The following CARD10 variants were observed in gnomAD, a reference collection of about 807,000 sequenced individuals.
CARD10 encodes the protein caspase recruitment domain family member 10, also known as caspase recruitment domain-containing protein 10.
In CARD10, 49 loss-of-function variants were observed where a neutral mutation model predicts 114.6. The observed-to-expected ratio is 0.43, with a 90% confidence interval of 0.34 to 0.54. The LOEUF (loss-of-function observed/expected upper bound fraction) is 0.54. Ranked by LOEUF, CARD10 falls within the 20% of genes least tolerant of loss-of-function variation. The probability of loss-of-function intolerance (pLI) is 0.03; values close to 1 mark genes in which losing one functional copy is unlikely to be tolerated. For missense variants in CARD10, 1,206 were observed against 1,397.2 expected (o/e 0.86, Z 2.18); for synonymous variants, 602 against 593.2 (o/e 1.01, Z -0.21).
intron 3 of CARD10, among the ~76,000 whole-genome samples, chr22:37,511,421 G>GGGGGGGGGGAA (rs796281103): frequency 7.9e-6 from 1 of 126,214 alleles, no homozygotes; most frequent in South Asian, 2.7e-4. Flanking sequence ...GGGAGGAGGA[G>GGGGGGGGGGAA]GGAGGGGGAA....
chr22:37,513,163 T>C (rs1398538802), intron 3 of CARD10, among the ~76,000 whole-genome samples: 1 of 152,080 alleles, frequency 6.6e-6, no homozygotes, highest in Admixed American at 6.6e-5. Context: ...CAAGCTGGAG[T>C]GCAGTGGCTC....
intron 15 of CARD10, 47 bp downstream of exon 15, chr22:37,495,470 C>T: frequency 1.2e-5 from 18 of 1,526,312 alleles, no homozygotes; most frequent in Non-Finnish European, 1.4e-5. Flanking sequence ...CCCTTTTGGA[C>T]CCCACCCTTG....
At position 37,490,395 on chromosome 22, in the gene CARD10, G is replaced by A. The variant is rs897609920; in HGVS notation, c.*764C>T. ...AAAAGTGTTTAATGCTCCATAATGTGCAGCTTCTAAGTGAAAAAGGCCCGT... is the reference window on the plus strand; with the variant it reads ...AAAAGTGTTTAATGCTCCATAATGTACAGCTTCTAAGTGAAAAAGGCCCGT... On this transcript the variant is annotated 3_prime_UTR_variant, in exon 20 of 20. Coordinates refer to ENST00000251973, the MANE Select transcript of CARD10 (RefSeq NM_014550.4). 1 of 152,128 alleles carries A rather than the reference G, an allele frequency of 6.6e-6. No homozygotes were observed. Among genetic ancestry groups the A allele is most frequent in the Non-Finnish European group, 1.5e-5 (1 of 68,048 alleles). The allele number at this position is 152,128 out of a possible 1,614,324, so 9.4% of individuals were successfully genotyped here. A position where few individuals can be genotyped will look rare whatever the true frequency, so the allele number is the denominator to read the frequency against.
In CARD10 at chr22:37,496,474, T is replaced by C; in HGVS notation, c.2034A>G (p.Thr678=). 1 of 1,612,466 alleles carries C rather than the reference T, an allele frequency of 6.2e-7. No homozygotes were observed. ...QRTLLWNQGS[T]LPSLMDSKAC... is the part of the protein sequence containing the mutation. ...CCTTCGAGTCCATCAGGGAGGGGAG[T>C]GTGGACCCCTGATTCCAGAGCAAGG... The change falls in exon 13 of 20, where the codon ACA becomes ACG. Residue 678 remains threonine, a synonymous_variant. Transcript: ENST00000251973. The surrounding 1 kb of genome is among the most constrained non-coding windows in gnomAD (Gnocchi z 4.1).
Position 37,519,255 on chromosome 22 carries a change from C to T in CARD10, c.-55G>A. ...GGCGCACGGGGGTCGACCAGGGCTC[C>T]CTAGGGCTAGATGTGCGGCCAAGCA... On this transcript the variant is annotated 5_prime_UTR_variant, in exon 1 of 20. Transcript: ENST00000251973. The surrounding 1 kb of genome is among the most constrained non-coding windows in gnomAD (Gnocchi z 4.1). 1 of 1,445,598 alleles carries T rather than the reference C, an allele frequency of 6.9e-7. No homozygotes were observed. The highest frequency in any genetic ancestry group is 1.4e-5 in the South Asian group (1 of 71,096). 89.5% of individuals were successfully genotyped at this position (1,445,598 alleles called of 1,614,324 possible). A position where few individuals can be genotyped will look rare whatever the true frequency, so the allele number is the denominator to read the frequency against.
intron 3 of CARD10, among the ~76,000 whole-genome samples, chr22:37,515,240 T>C (rs1212361743): frequency 1.3e-5 from 2 of 152,204 alleles, no homozygotes; most frequent in East Asian, 3.9e-4. Flanking sequence ...AGCAGTGTGC[T>C]AGGGACTGTA....
At position 37,501,132 on chromosome 22, in the gene CARD10, CCTCT is replaced by C. The variant is rs893492438; in HGVS notation, c.1787+1466_1787+1469del. On this transcript the variant is annotated intron_variant, in intron 11 of 19. Transcript: ENST00000251973. The surrounding 1 kb of genome is among the most constrained non-coding windows in gnomAD (Gnocchi z 5.4). ...TCTCCCTCTCCTCTCCGCCTGTCTG[CCTCT>C]CTCTCTCTCTTTCTCTCTCTCTCTC... is the stretch of plus-strand genomic sequence containing the variant. Among the ~76,000 whole-genome samples, 12 of 151,750 alleles carry C rather than the reference CCTCT, an allele frequency of 7.9e-5. No individual in the cohort carries two copies. Among genetic ancestry groups the C allele is most frequent in the African/African-American group, 1.7e-4 (7 of 41,412 alleles).
rs1162555874 is a variant in CARD10, at chr22:37,492,710, G to C, written c.2569C>G (p.Pro857Ala). The change falls in exon 17 of 20, where the codon CCC (proline) becomes GCC (alanine). Residue 857 changes from proline to alanine, a missense_variant. Pro to Ala is a conservative substitution (Grantham distance 27). Coordinates refer to ENST00000251973, the MANE Select transcript of CARD10 (RefSeq NM_014550.4). The surrounding 1 kb of genome is among the most constrained non-coding windows in gnomAD (Gnocchi z 5.7). The part of the protein sequence containing the change: ...PVVLLPECLA[P>A]RLIRNLLDLP... ...TCTAGCAGGTTACGGATGAGCCGGG[G>C]CGCCAGGCACTCAGGCAACAGCACC... 6.2e-7 allele frequency: 1 copy of C among 1,613,100 alleles called. No homozygotes were observed. Among genetic ancestry groups the C allele is most frequent in the East Asian group, 2.2e-5 (1 of 44,874 alleles).
Position 37,510,057 on chromosome 22 carries a change from C to T in CARD10, c.909+155G>A, listed in dbSNP as rs570806828. Among the ~76,000 whole-genome samples, 540 of 120,586 alleles carry T rather than the reference C, an allele frequency of 4.5e-3. 19 individuals carry two copies. The highest frequency in any genetic ancestry group is 0.014 in the African/African-American group (514 of 37,162). 79.1% of individuals were successfully genotyped at this position (120,586 alleles called of 152,430 possible). The stretch of plus-strand genomic sequence containing the variant: ...ACCTGCTGCAGGCCCTCCTGAGCCC[C>T]GCTACCCAGCCTGTGCCCAGAAGCC... On this transcript the variant is annotated intron_variant, in intron 4 of 19. Transcript: ENST00000251973.
chr22:37,492,742 C>T lies in CARD10; in HGVS notation c.2537G>A (p.Arg846Gln). 1 of 1,612,976 alleles carries T rather than the reference C, an allele frequency of 6.2e-7. No homozygotes were observed. Among genetic ancestry groups the T allele is most frequent in the South Asian group, 1.1e-5 (1 of 91,076 alleles). The part of the protein sequence containing the change: ...LVRPLLVSAL[R>Q]PVVLLPECLA... ...GCACTCAGGCAACAGCACCACGGGCCGCAGGGCAGACACCAGTAGCGGCCG... is the reference window on the plus strand; with the variant it reads ...GCACTCAGGCAACAGCACCACGGGCTGCAGGGCAGACACCAGTAGCGGCCG... Residue 846 changes from arginine to glutamine, a missense_variant, in exon 17 of 20, where the codon CGG becomes CAG. Transcript: ENST00000251973. This position sits in a 1 kb window ranked among gnomAD's most constrained non-coding sequence, Gnocchi z 5.7.
chr22:37,518,167 G>C lies in CARD10; in HGVS notation c.236-59C>G, dbSNP rs890066907. On this transcript the variant is annotated intron_variant, in intron 1 of 19. Coordinates refer to ENST00000251973, the MANE Select transcript of CARD10 (RefSeq NM_014550.4). ...AGGGGAAGGCCTCCCCAGGTGCCTG[G>C]TTGCTTCTGCCCCCACCATGCTCCA... The C allele has an allele frequency of 2.7e-5, 43 of 1,567,294 alleles. No individual in the cohort carries two copies. In the African/African-American group the frequency reaches 5.0e-4, roughly 18 times the overall value.
In CARD10 at chr22:37,495,564, G is replaced by A; in HGVS notation, c.2326C>T (p.Gln776Ter). The part of the protein sequence containing the change: ...YQRAQQLLEV[Q>*]EKCLPSSRHR... ...CGGCTGGAGGGCAGGCATTTCTCCT[G>A]AACTTCTAGGAGCTGCTGGGCTCTG... The change falls in exon 15 of 20, where the codon CAG (glutamine) becomes TAG (stop). Residue 776 changes from glutamine to a stop codon, truncating the protein, a stop_gained. Transcript: ENST00000251973. LOFTEE classifies it high-confidence loss of function. 6.2e-7 allele frequency: 1 copy of A among 1,613,522 alleles called. No individual in the cohort carries two copies. The highest frequency in any genetic ancestry group is 8.5e-7 in the Non-Finnish European group (1 of 1,179,868).
At chr22:37,503,036 C>T (rs947691635) in intron 10 of CARD10, 149 bp downstream of exon 10, 6 of 912,354 alleles carry the variant, frequency 6.6e-6, no homozygotes, top group Non-Finnish European at 1.0e-5. Context: ...CTCCCAAGCA[C>T]AACCTTCCTG....
In CARD10 at chr22:37,496,952, T is replaced by C. The variant is rs1923025783; in HGVS notation, c.1947+67A>G. 2.7e-6 allele frequency: 4 copies of C among 1,498,418 alleles called. No homozygotes were observed. In the South Asian group the frequency reaches 4.0e-5, roughly 15 times the overall value. The allele number at this position is 1,498,418 out of a possible 1,614,324, so 92.8% of individuals were successfully genotyped here. A position where few individuals can be genotyped will look rare whatever the true frequency, so the allele number is the denominator to read the frequency against. On this transcript the variant is annotated intron_variant, in intron 12 of 19. Transcript: ENST00000251973. The surrounding 1 kb of genome is among the most constrained non-coding windows in gnomAD (Gnocchi z 4.1). ...TGCCCGGTGATCTTGATCCACCAAA[T>C]TAAGGGATGTCCAGCCTGGGCAAAA...
chr22:37,493,439 C>G (rs938248421), intron 16 of CARD10, among the ~76,000 whole-genome samples: 3 of 152,196 alleles, frequency 2.0e-5, no homozygotes, highest in African/African-American at 7.2e-5. Flanking sequence ...TCTCTACCCC[C>G]TAATTAGACA....
chr22:37,517,802 C>T (rs1923891560), intron 2 of CARD10, among the ~76,000 whole-genome samples, 169 bp downstream of exon 2: 1 of 152,198 alleles, frequency 6.6e-6, no homozygotes, highest in African/African-American at 2.4e-5. Flanking sequence ...AGCACCCAGC[C>T]CCACCCTCAG....
intron 3 of CARD10, 22 bp downstream of exon 3, chr22:37,515,951 G>T: frequency 6.5e-7 from 1 of 1,532,604 alleles, no homozygotes; most frequent in South Asian, 1.2e-5. Flanking sequence ...TTGCCTCCCC[G>T]ACCCATCTCC....
intron 1 of CARD10, 148 bp from the exon 2 acceptor site, chr22:37,518,256 G>A (rs955759133): frequency 2.7e-5 from 19 of 706,164 alleles, no homozygotes; most frequent in African/African-American, 5.4e-5. Flanking sequence ...ACACATCAGG[G>A]AAGAGAAGAG....
chr22:37,505,984 C>T (rs1923391137), intron 7 of CARD10, among the ~76,000 whole-genome samples: 1 of 152,134 alleles, frequency 6.6e-6, no homozygotes, highest in East Asian at 1.9e-4. Context: ...CAGAGACCAA[C>T]ATGCCCCTCC....
Sources: allele counts gnomAD v4.1 joint callset (sites outside exome capture counted in the v4.1 genomes callset), GRCh38; gene constraint gnomAD v4.1.1; non-coding constraint Gnocchi (gnomAD v3.1); transcripts MANE v1.5; gene names NCBI Gene and HGNC (gene_info 2026-07-23, HGNC 2026-07-21).